Variants in GRM1 observed in about 807,000 individuals in gnomAD.
The protein encoded by GRM1 is metabotropic glutamate receptor 1.
GRM1 carries 33 observed loss-of-function variants against 90.9 expected under a neutral mutation model. The ratio of observed to expected loss-of-function variants is 0.36; its 90% CI spans 0.28 to 0.49. The LOEUF is 0.49. Among genes scored for constraint, GRM1 ranks in the 20% least tolerant of loss-of-function variants. The probability of loss-of-function intolerance (pLI) is 0.99; values close to 1 mark genes in which losing one functional copy is unlikely to be tolerated. For synonymous variants in GRM1, 700 were observed against 613.2 expected (o/e 1.14, Z -2.09); for missense variants, 1,190 against 1,534.3 (o/e 0.78, Z 3.75).
intron 1 of GRM1, among the ~76,000 whole-genome samples, chr6:146,141,989 G>C (rs564289928): frequency 1.0e-3 from 153 of 152,302 alleles, no homozygotes; most frequent in African/African-American, 3.7e-3. Flanking sequence ...AGATATTATA[G>C]TCTTCAAGGT....
intron 3 of GRM1, among the ~76,000 whole-genome samples, chr6:146,347,012 T>A (rs532650993): frequency 6.6e-6 from 1 of 152,290 alleles, no homozygotes; most frequent in East Asian, 1.9e-4. Context: ...TGACAAGAAT[T>A]TAGATTTGAA....
intron 1 of GRM1, among the ~76,000 whole-genome samples, chr6:146,135,780 A>G (rs756731132): frequency 6.6e-6 from 1 of 152,192 alleles, no homozygotes; most frequent in Non-Finnish European, 1.5e-5. Context: ...TTTACCCTTC[A>G]TGTTACAAAC....
chr6:146,266,910 G>C (rs1046562146), intron 2 of GRM1, among the ~76,000 whole-genome samples: 5 of 152,152 alleles, frequency 3.3e-5, no homozygotes, highest in African/African-American at 1.2e-4. Context: ...TTAAGCTTAG[G>C]GGTACATGTG....
intron 2 of GRM1, among the ~76,000 whole-genome samples, chr6:146,283,561 T>C (rs895827546): frequency 2.6e-5 from 4 of 152,226 alleles, no homozygotes; most frequent in Admixed American, 2.6e-4. Context: ...TGGCCTGTGG[T>C]GTTTATCTCC....
intron 2 of GRM1, among the ~76,000 whole-genome samples, chr6:146,164,402 C>T (rs1345947319): frequency 1.3e-5 from 2 of 152,120 alleles, no homozygotes; most frequent in African/African-American, 2.4e-5. Context: ...TCCTTCATGC[C>T]TAGCACAGTG....
chr6:146,418,074 C>T (rs1777850277), intron 7 of GRM1, among the ~76,000 whole-genome samples: 1 of 152,094 alleles, frequency 6.6e-6, no homozygotes, highest in South Asian at 2.1e-4. Context: ...ATGAAAAGTA[C>T]TAACTGTACT....
intron 6 of GRM1, among the ~76,000 whole-genome samples, 190 bp from the exon 7 acceptor site, chr6:146,398,579 G>C (rs1191527449): frequency 6.6e-6 from 1 of 152,108 alleles, no homozygotes. Flanking sequence ...GATTAAGTTT[G>C]GGGACATAAT....
rs539134886 is a variant in GRM1 at position 146,122,864 on chromosome 6, T to A, written c.701-36484T>A. On this transcript the variant is annotated intron_variant, in intron 1 of 7. Coordinates refer to ENST00000282753, the MANE Select transcript of GRM1 (RefSeq NM_001278064.2). ...CTTTTTTTTTTTTTTTTTTTTTTTTTAACTGAGTCTTGCTCTGTCTCCCAG... is the reference window on the plus strand; with the variant it reads ...CTTTTTTTTTTTTTTTTTTTTTTTTAAACTGAGTCTTGCTCTGTCTCCCAG... Among the ~76,000 whole-genome samples, 4 of 108,594 alleles carry A rather than the reference T, an allele frequency of 3.7e-5. No homozygotes were observed. In the South Asian group the frequency reaches 1.4e-3, roughly 37 times the overall value. The allele number at this position is 108,594 out of a possible 152,430, so 71.2% of individuals were successfully genotyped here.
At chr6:146,112,303 A>T (rs1775589607) in intron 1 of GRM1, among the ~76,000 whole-genome samples, 1 of 151,920 alleles carries the variant, frequency 6.6e-6, no homozygotes, top group Non-Finnish European at 1.5e-5. Flanking sequence ...GAACAACACA[A>T]GTATAAGGAA....
chr6:146,060,103 G>A (rs1775611818), intron 1 of GRM1, among the ~76,000 whole-genome samples: 1 of 152,052 alleles, frequency 6.6e-6, no homozygotes, highest in African/African-American at 2.4e-5. Flanking sequence ...TTTGGTGAAA[G>A]GGGTCTAGCT....
chr6:146,204,316 G>T (rs1430999020), intron 2 of GRM1, among the ~76,000 whole-genome samples: 1 of 152,210 alleles, frequency 6.6e-6, no homozygotes, highest in Non-Finnish European at 1.5e-5. Flanking sequence ...GAAAGCATTT[G>T]CCAATTTACC....
At chr6:146,283,432 A>G (rs1280137170) in intron 2 of GRM1, among the ~76,000 whole-genome samples, 1 of 152,228 alleles carries the variant, frequency 6.6e-6, no homozygotes, top group Non-Finnish European at 1.5e-5. Context: ...CTAGCAAGGC[A>G]CAAGAAGCAG....
intron 2 of GRM1, among the ~76,000 whole-genome samples, chr6:146,298,267 C>CT (rs1242554975): frequency 3.3e-5 from 5 of 152,158 alleles, no homozygotes; most frequent in African/African-American, 1.2e-4. Context: ...TTAAGGAACA[C>CT]TTTTTTTCTC....
At chr6:146,090,033 TATTCAA>T (rs1000753188) in intron 1 of GRM1, among the ~76,000 whole-genome samples, 8 of 152,268 alleles carry the variant, frequency 5.3e-5, no homozygotes, top group African/African-American at 1.9e-4. Context: ...GCAGATTTTT[TATTCAA>T]ATCTACTTGT....
chr6:146,374,778 A>G (rs563599117), intron 5 of GRM1, among the ~76,000 whole-genome samples: 1 of 152,062 alleles, frequency 6.6e-6, no homozygotes, highest in East Asian at 1.9e-4. Context: ...TAGTTTGACT[A>G]AAGTTTTTCA....
At chr6:146,035,246 A>G (rs1790846250) in intron 1 of GRM1, among the ~76,000 whole-genome samples, 1 of 152,114 alleles carries the variant, frequency 6.6e-6, no homozygotes, top group East Asian at 1.9e-4. Context: ...ATCAGTCTTT[A>G]TAGACATGAA....
intron 6 of GRM1, among the ~76,000 whole-genome samples, chr6:146,397,473 CAAAAAAAAAA>C (rs1776999851): frequency 6.0e-5 from 1 of 16,762 alleles, no homozygotes; most frequent in Non-Finnish European, 1.3e-4. Context: ...GACCCCGTCT[CAAAAAAAAAA>C]GAAAAAAAAA....
intron 1 of GRM1, among the ~76,000 whole-genome samples, chr6:146,131,062 C>A (rs547483118): frequency 6.6e-6 from 1 of 152,204 alleles, no homozygotes; most frequent in Non-Finnish European, 1.5e-5. Flanking sequence ...CAAAGTTACT[C>A]CATAATAACT....
At chr6:146,250,797 G>A (rs6900247) in intron 2 of GRM1, among the ~76,000 whole-genome samples, 17,284 of 152,072 alleles carry the variant, frequency 0.11, 1,945 homozygotes, top group African/African-American at 0.29. Flanking sequence ...TTCAGTGTAG[G>A]TACAGTGGCA....
Sources: allele counts gnomAD v4.1 joint callset (sites outside exome capture counted in the v4.1 genomes callset), GRCh38; gene constraint gnomAD v4.1.1; transcripts MANE v1.5; gene names NCBI Gene and HGNC (gene_info 2026-07-23, HGNC 2026-07-21).